Variants in SLC39A11 observed in about 807,000 individuals in gnomAD.
The protein encoded by SLC39A11 is zinc transporter ZIP11.
Under a neutral mutation model 36.1 loss-of-function variants are expected in SLC39A11, and 33 were observed. The ratio of observed to expected loss-of-function variants is 0.91; its 90% CI spans 0.69 to 1.22. The LOEUF (loss-of-function observed/expected upper bound fraction) is 1.22. SLC39A11 is among the 50% of genes most tolerant of loss of function. The probability of loss-of-function intolerance (pLI) is 0.00; values close to 1 mark genes in which losing one functional copy is unlikely to be tolerated. For synonymous variants in SLC39A11, 166 were observed against 170.3 expected (o/e 0.97, Z 0.20); for missense variants, 432 against 430.3 (o/e 1.00, Z -0.03).
At chr17:72,823,108 C>T (rs1201508974) in intron 6 of SLC39A11, among the ~76,000 whole-genome samples, 2 of 151,186 alleles carry the variant, frequency 1.3e-5, no homozygotes, top group Admixed American at 6.6e-5. Flanking sequence ...AGTCCAAAAG[C>T]GTTCAACTCA....
At chr17:72,738,694 C>T (rs1424123453) in intron 6 of SLC39A11, among the ~76,000 whole-genome samples, 2 of 152,190 alleles carry the variant, frequency 1.3e-5, no homozygotes, top group Non-Finnish European at 2.9e-5. Context: ...ACTGAATTAC[C>T]ACCACTGTTC....
intron 4 of SLC39A11, among the ~76,000 whole-genome samples, chr17:72,975,952 C>T (rs2087811215): frequency 6.6e-6 from 1 of 151,816 alleles, no homozygotes; most frequent in Non-Finnish European, 1.5e-5. Context: ...GGGTGGATCA[C>T]GAGGTCAGGA....
intron 5 of SLC39A11, among the ~76,000 whole-genome samples, chr17:72,860,995 C>A (rs564183472): frequency 6.6e-6 from 1 of 152,126 alleles, no homozygotes; most frequent in East Asian, 1.9e-4. Context: ...GCACATAACA[C>A]GTACAACACA....
At chr17:72,902,857 A>G (rs1198390541) in intron 5 of SLC39A11, among the ~76,000 whole-genome samples, 1 of 152,108 alleles carries the variant, frequency 6.6e-6, no homozygotes, top group Non-Finnish European at 1.5e-5. Flanking sequence ...CCATTACAGA[A>G]CTATTATAGA....
At chr17:72,813,778 A>T (rs1395495828) in intron 6 of SLC39A11, among the ~76,000 whole-genome samples, 12 of 152,216 alleles carry the variant, frequency 7.9e-5, no homozygotes, top group Admixed American at 7.9e-4. Context: ...TATTACCCTC[A>T]AAAGAGTAAA....
intron 4 of SLC39A11, among the ~76,000 whole-genome samples, chr17:72,962,936 G>C (rs1306999077): frequency 6.6e-6 from 1 of 152,110 alleles, no homozygotes; most frequent in Non-Finnish European, 1.5e-5. Flanking sequence ...GCTTCTGCAA[G>C]ACCAGCAGGA....
chr17:72,647,936 G>T (rs541761906), intron 9 of SLC39A11, among the ~76,000 whole-genome samples: 1 of 152,236 alleles, frequency 6.6e-6, no homozygotes, highest in East Asian at 1.9e-4. Flanking sequence ...ACCTATGATC[G>T]TTCTGTGGTC....
At chr17:73,039,698 G>A (rs2059045181) in intron 3 of SLC39A11, among the ~76,000 whole-genome samples, 1 of 152,096 alleles carries the variant, frequency 6.6e-6, no homozygotes, top group Non-Finnish European at 1.5e-5. Flanking sequence ...GATTTTCATG[G>A]GTGTGGAAAA....
At chr17:72,958,866 G>GAA (rs1352681278) in intron 4 of SLC39A11, among the ~76,000 whole-genome samples, 2 of 95,432 alleles carry the variant, frequency 2.1e-5, no homozygotes, top group Admixed American at 1.1e-4. Flanking sequence ...AAAGAAAAAA[G>GAA]AAAAAAAAAA....
At chr17:72,763,108 A>G (rs1357995710) in intron 6 of SLC39A11, among the ~76,000 whole-genome samples, 1 of 152,150 alleles carries the variant, frequency 6.6e-6, no homozygotes, top group Middle Eastern at 3.2e-3. Flanking sequence ...CTTAAAGCAC[A>G]TCAGACTCTC....
At chr17:72,716,496 C>T (rs2073368357) in intron 7 of SLC39A11, among the ~76,000 whole-genome samples, 4 of 151,204 alleles carry the variant, frequency 2.6e-5, no homozygotes, top group Middle Eastern at 3.4e-3. Flanking sequence ...CGTCTGAAGG[C>T]GGCCACAGAA....
chr17:72,712,736 G>C (rs2143341673), intron 7 of SLC39A11: 1 of 152,270 alleles, frequency 6.6e-6, no homozygotes, highest in South Asian at 2.1e-4. Flanking sequence ...CTTAGTCAAA[G>C]GATACACATT....
rs534213749 is a variant in SLC39A11 at position 72,932,907 on chromosome 17, T to C, written c.430+14845A>G. Among the ~76,000 whole-genome samples the C allele has an allele frequency of 7.2e-5, 11 of 152,216 alleles. No homozygotes were observed. In the South Asian group the frequency reaches 8.3e-4, roughly 11 times the overall value. ...ACTCCAAATCTATACCATTTCTATA[T>C]TGTGACATCTTTCAGGACAGTGGTG... On this transcript the variant is annotated intron_variant, in intron 5 of 9. Coordinates refer to ENST00000255559, the MANE Select transcript of SLC39A11 (RefSeq NM_139177.4).
chr17:73,070,763 G>A (rs2060139290), intron 3 of SLC39A11, among the ~76,000 whole-genome samples: 2 of 152,244 alleles, frequency 1.3e-5, no homozygotes, highest in East Asian at 1.9e-4. Context: ...CATGAGATCT[G>A]ATGGTTTTAT....
At chr17:72,734,972 C>G (rs2074363036) in intron 7 of SLC39A11, among the ~76,000 whole-genome samples, 1 of 152,174 alleles carries the variant, frequency 6.6e-6, no homozygotes, top group African/African-American at 2.4e-5. Context: ...ATGCCCCCAC[C>G]CCAGGCCCCG....
At chr17:72,761,484 G>C (rs1047216982) in intron 6 of SLC39A11, among the ~76,000 whole-genome samples, 9 of 152,204 alleles carry the variant, frequency 5.9e-5, no homozygotes, top group African/African-American at 2.2e-4. Flanking sequence ...CCAAACGTCA[G>C]CAGTAATGAA....
chr17:72,953,014 T>A (rs1341516155), intron 4 of SLC39A11, among the ~76,000 whole-genome samples: 1 of 152,010 alleles, frequency 6.6e-6, no homozygotes, highest in Non-Finnish European at 1.5e-5. Flanking sequence ...GGTCACCCCC[T>A]CTCCTTCTCC....
chr17:72,754,918 C>T (rs143288678), intron 6 of SLC39A11, among the ~76,000 whole-genome samples: 3 of 152,330 alleles, frequency 2.0e-5, no homozygotes, highest in Non-Finnish European at 4.4e-5. Context: ...TAGAAAGAGA[C>T]TTGGAGATGG....
At chr17:72,865,624 A>T (rs988774191) in intron 5 of SLC39A11, among the ~76,000 whole-genome samples, 3 of 152,118 alleles carry the variant, frequency 2.0e-5, no homozygotes, top group African/African-American at 7.2e-5. Context: ...GAAGACCCTC[A>T]AGGAAAAATG....
Sources: gnomAD v4.1 joint callset for allele counts (sites outside exome capture counted in the v4.1 genomes callset) on GRCh38, gnomAD v4.1.1 for gene constraint, MANE v1.5 for transcripts, NCBI Gene and HGNC (gene_info 2026-07-23, HGNC 2026-07-21) for gene names.